Variants in RABEP1 observed in about 807,000 individuals in gnomAD.
RABEP1 encodes rabaptin, RAB GTPase binding effector protein 1.
A neutral mutation model predicts 123.4 loss-of-function variants in RABEP1; 51 were observed. The ratio of observed to expected loss-of-function variants is 0.41; its 90% CI spans 0.33 to 0.52. The LOEUF is 0.52. Among genes scored for constraint, RABEP1 ranks in the 20% least tolerant of loss-of-function variants. The probability of loss-of-function intolerance (pLI) is 0.16; values close to 1 mark genes in which losing one functional copy is unlikely to be tolerated. For synonymous variants in RABEP1, 347 were observed against 355.2 expected, an observed-to-expected ratio of 0.98 and a Z score of 0.26; for missense variants, 888 against 996.3, an observed-to-expected ratio of 0.89 and a Z score of 1.46.
intron 2 of RABEP1, among the ~76,000 whole-genome samples, chr17:5,324,767 G>A (rs1567522807): frequency 6.6e-6 from 1 of 152,132 alleles, no homozygotes; most frequent in Non-Finnish European, 1.5e-5. Context: ...TTCAAAAGAC[G>A]TAAATGGCCA....
chr17:5,297,159 A>T (rs1015457389), intron 1 of RABEP1, among the ~76,000 whole-genome samples: 11 of 152,172 alleles, frequency 7.2e-5, no homozygotes, highest in African/African-American at 2.7e-4. Flanking sequence ...TTTCCTTAGG[A>T]TAAATTCTTG....
At chr17:5,307,357 A>G (rs1431190288) in intron 1 of RABEP1, among the ~76,000 whole-genome samples, 1 of 152,172 alleles carries the variant, frequency 6.6e-6, no homozygotes, top group East Asian at 1.9e-4. Context: ...TAATTCTGTT[A>G]CTCATAGATA....
chr17:5,304,320 C>G (rs562937427), intron 1 of RABEP1, among the ~76,000 whole-genome samples: 1 of 152,114 alleles, frequency 6.6e-6, no homozygotes, highest in Admixed American at 6.5e-5. Context: ...TGGCTCACAC[C>G]GGTAATCCTA....
intron 2 of RABEP1, among the ~76,000 whole-genome samples, chr17:5,309,659 A>G (rs2144524376): frequency 6.6e-6 from 1 of 151,928 alleles, no homozygotes; most frequent in East Asian, 1.9e-4. Context: ...CATCTCAAAA[A>G]AAAAAAAAAA....
At chr17:5,375,414 G>T (rs1910910300) in intron 13 of RABEP1, among the ~76,000 whole-genome samples, 1 of 152,140 alleles carries the variant, frequency 6.6e-6, no homozygotes, top group African/African-American at 2.4e-5. Flanking sequence ...ATCGGGGGCA[G>T]GGTATGGTGG....
At chr17:5,372,381 G>A (rs1221697962) in intron 12 of RABEP1, among the ~76,000 whole-genome samples, 2 of 151,858 alleles carry the variant, frequency 1.3e-5, no homozygotes, top group Non-Finnish European at 2.9e-5. Context: ...GACTCGGGAG[G>A]TGGAGGTTGC....
intron 3 of RABEP1, among the ~76,000 whole-genome samples, chr17:5,334,686 A>C (rs1950211289): frequency 6.6e-6 from 1 of 152,154 alleles, no homozygotes; most frequent in Admixed American, 6.6e-5. Context: ...AGATTATATT[A>C]AAGAGAAAGC....
chr17:5,312,441 G>T (rs1567875371), intron 2 of RABEP1, among the ~76,000 whole-genome samples: 2 of 152,152 alleles, frequency 1.3e-5, no homozygotes, highest in African/African-American at 4.8e-5. Context: ...ATGAGCCACC[G>T]TGCCTGGCCT....
intron 3 of RABEP1, among the ~76,000 whole-genome samples, chr17:5,332,515 C>A (rs1305516677): frequency 6.6e-6 from 1 of 151,584 alleles, no homozygotes; most frequent in Admixed American, 6.6e-5. Context: ...AGCTGCCATG[C>A]AAAGGGTAAA....
At chr17:5,282,655 G>GC in intron 1 of RABEP1, 135 bp downstream of exon 1, 3 of 484,130 alleles carry the variant, frequency 6.2e-6, no homozygotes, top group Non-Finnish European at 8.0e-6. Context: ...CGGAGGCGGG[G>GC]GCGCGCGGGC....
At chr17:5,303,015 C>G (rs2075149411) in intron 1 of RABEP1, among the ~76,000 whole-genome samples, 1 of 152,056 alleles carries the variant, frequency 6.6e-6, no homozygotes, top group South Asian at 2.1e-4. Context: ...GATAAAGCAT[C>G]TCATTGCCTT....
chr17:5,359,406 G>C (rs1216481418), intron 8 of RABEP1, among the ~76,000 whole-genome samples: 1 of 152,034 alleles, frequency 6.6e-6, no homozygotes, highest in East Asian at 1.9e-4. Context: ...CCTCACAACT[G>C]TTCTATCCCT....
rs1052359731 is a variant in RABEP1 at position 5,282,534 on chromosome 17, C to T, written c.34+14C>T. On this transcript the variant is annotated intron_variant, in intron 1 of 17. Coordinates refer to ENST00000537505, the MANE Select transcript of RABEP1 (RefSeq NM_004703.6). ...CCCAGCCTGACGGTGAGGCGCCCAC[C>T]ATGGCAGGCGCGGCGGGCGCGGCCT... 1.2e-4 allele frequency: 142 copies of T among 1,204,650 alleles called. No homozygotes were observed. The highest frequency in any genetic ancestry group is 1.3e-4 in the Non-Finnish European group (130 of 967,018). The allele number at this position is 1,204,650 out of a possible 1,614,324, so 74.6% of individuals were successfully genotyped here.
intron 5 of RABEP1, among the ~76,000 whole-genome samples, chr17:5,339,206 T>G (rs1907360455): frequency 6.6e-6 from 1 of 151,964 alleles, no homozygotes. Context: ...ATAAAAACAA[T>G]ATGAAAATAA....
At chr17:5,363,940 G>A (rs1039149103) in intron 10 of RABEP1, among the ~76,000 whole-genome samples, 2 of 152,132 alleles carry the variant, frequency 1.3e-5, no homozygotes, top group Non-Finnish European at 2.9e-5. Context: ...CAAAGTCTAC[G>A]TAAGAAAGAT....
chr17:5,355,806 A>G (rs1460911964), intron 8 of RABEP1, among the ~76,000 whole-genome samples: 1 of 152,202 alleles, frequency 6.6e-6, no homozygotes, highest in Non-Finnish European at 1.5e-5. Flanking sequence ...AGTGCTGTAT[A>G]TTGAAGTTGT....
chr17:5,305,805 A>G (rs916625122), intron 1 of RABEP1, among the ~76,000 whole-genome samples: 6 of 152,236 alleles, frequency 3.9e-5, no homozygotes, highest in African/African-American at 9.6e-5. Context: ...TTCAAAGGGT[A>G]ATATGAGATA....
intron 13 of RABEP1, 102 bp from the exon 14 acceptor site, chr17:5,377,014 A>C: frequency 8.1e-7 from 1 of 1,236,262 alleles, no homozygotes; most frequent in Non-Finnish European, 1.1e-6. Flanking sequence ...TAATTTTTGA[A>C]CCATTAAAAC....
In RABEP1 at chr17:5,286,571, G is replaced by C. The variant is rs577542493; in HGVS notation, c.34+4051G>C. On this transcript the variant is annotated intron_variant, in intron 1 of 17. Coordinates refer to ENST00000537505, the MANE Select transcript of RABEP1 (RefSeq NM_004703.6). ...ATGCCGAATCCTATGCTAGGATCTA[G>C]GAAATACAGTGATGAACAAAACCAG... 2.6e-5 allele frequency among the ~76,000 whole-genome samples: 4 copies of C among 152,258 alleles called. No individual in the cohort carries two copies. In the South Asian group the frequency reaches 8.3e-4, roughly 32 times the overall value.
Sources: gnomAD v4.1 joint callset for allele counts (sites outside exome capture counted in the v4.1 genomes callset) on GRCh38, gnomAD v4.1.1 for gene constraint, MANE v1.5 for transcripts, NCBI Gene and HGNC (gene_info 2026-07-23, HGNC 2026-07-21) for gene names.